SORBS2: variants seen among roughly 807,000 people sequenced by gnomAD.
The protein encoded by SORBS2 is sorbin and SH3 domain-containing protein 2.
A neutral mutation model predicts 97.7 loss-of-function variants in SORBS2; 46 were observed. The observed-to-expected ratio is 0.47, with a 90% CI of 0.37 to 0.60. The LOEUF is 0.60. SORBS2 is among the 20% of genes least tolerant of loss of function. The pLI is 0.00. For missense variants in SORBS2, 1,316 were observed against 1,282.3 expected (o/e 1.03, Z -0.40); for synonymous variants, 476 against 473.4 (o/e 1.01, Z -0.07).
intron 6 of SORBS2, 92 bp from the exon 19 acceptor site, chr4:185,624,586 C>T: frequency 1.5e-6 from 2 of 1,352,710 alleles, no homozygotes; most frequent in Non-Finnish European, 2.0e-6. Flanking sequence ...AAGCATCAGA[C>T]AGCATAGCAA....
At chr4:185,758,273 T>G (rs1271739072) in intron 2 of SORBS2, among the ~76,000 whole-genome samples, 5 of 152,226 alleles carry the variant, frequency 3.3e-5, no homozygotes, top group Admixed American at 6.5e-5. Context: ...AGGACCCCAT[T>G]GAGGTCCATA....
intron 1 of SORBS2, among the ~76,000 whole-genome samples, chr4:185,835,652 ATTTTTT>A (rs5864964): frequency 6.5e-5 from 8 of 122,228 alleles, no homozygotes; most frequent in African/African-American, 9.0e-5. Context: ...TTTTGAAAGG[ATTTTTT>A]TTTTTTTTTT....
intron 12 of SORBS2, among the ~76,000 whole-genome samples, chr4:185,600,335 T>A (rs887900094): frequency 1.3e-5 from 2 of 152,196 alleles, no homozygotes; most frequent in African/African-American, 4.8e-5. Context: ...ATGTTATATC[T>A]TTTTTTGTCT....
chr4:185,949,724 T>G (rs186602218), intron 1 of SORBS2, among the ~76,000 whole-genome samples: 224 of 152,128 alleles, frequency 1.5e-3, no homozygotes, highest in African/African-American at 5.1e-3. Context: ...AGTTGTCTGG[T>G]GAGAGATGCA....
chr4:185,712,430 A>G (rs2098428855), intron 2 of SORBS2, among the ~76,000 whole-genome samples: 1 of 152,096 alleles, frequency 6.6e-6, no homozygotes. Flanking sequence ...TCATCCTTCA[A>G]TTTGTTTGTG....
chr4:185,816,175 T>C (rs943975407), intron 1 of SORBS2, among the ~76,000 whole-genome samples: 1 of 152,230 alleles, frequency 6.6e-6, no homozygotes. Context: ...TATCCTCTGG[T>C]TCGTATTTTG....
chr4:185,604,971 G>C (rs946270477), intron 12 of SORBS2, among the ~76,000 whole-genome samples: 2 of 152,160 alleles, frequency 1.3e-5, no homozygotes, highest in African/African-American at 4.8e-5. Flanking sequence ...CTAGGGTACT[G>C]TCTGTGTCAG....
intron 12 of SORBS2, 43 bp from the exon 25 acceptor site, chr4:185,593,978 T>C (rs778118384): frequency 1.5e-6 from 2 of 1,298,216 alleles, no homozygotes; most frequent in African/African-American, 2.9e-5. Context: ...TTTAAACTGG[T>C]ACTAATTAAA....
At chr4:185,651,799 A>G (rs1341052586) in intron 2 of SORBS2, 2 of 1,505,090 alleles carry the variant, frequency 1.3e-6, no homozygotes, top group Non-Finnish European at 9.2e-7. Context: ...TTGTATGTAT[A>G]AGGAGTATTA....
At chr4:185,859,101 A>G (rs2099222265) in intron 1 of SORBS2, among the ~76,000 whole-genome samples, 1 of 152,124 alleles carries the variant, frequency 6.6e-6, no homozygotes, top group Non-Finnish European at 1.5e-5. Context: ...GAAAACAACA[A>G]CATACTTGGC....
chr4:185,763,435 C>A (rs1311319724), intron 2 of SORBS2, among the ~76,000 whole-genome samples: 18 of 152,154 alleles, frequency 1.2e-4, no homozygotes, highest in Admixed American at 1.2e-3. Flanking sequence ...AGCCCCCGAC[C>A]CCCCACCTCA....
chr4:185,657,581 T>C (rs553791677), upstream of SORBS2: 9 of 1,589,602 alleles, frequency 5.7e-6, no homozygotes, highest in Non-Finnish European at 7.7e-6. Context: ...ATGCTGGGGA[T>C]ATGTGTCTGT....
chr4:185,665,769 T>C, intron 4 of SORBS2: 1 of 1,053,308 alleles, frequency 9.5e-7, no homozygotes, highest in Non-Finnish European at 1.2e-6. Flanking sequence ...TGGTGCCATC[T>C]GTCACAGCAG....
intron 1 of SORBS2, among the ~76,000 whole-genome samples, chr4:185,948,050 T>C (rs1304845356): frequency 6.6e-6 from 1 of 152,182 alleles, no homozygotes; most frequent in Non-Finnish European, 1.5e-5. Flanking sequence ...GTATTTTTGT[T>C]GTTGTTGTTG....
intron 4 of SORBS2, 43 bp from the exon 17 acceptor site, chr4:185,630,641 G>T: frequency 8.0e-7 from 1 of 1,242,792 alleles, no homozygotes; most frequent in Non-Finnish European, 1.2e-6. Context: ...TTTTACCGTG[G>T]CAAAATTTTG....
At chr4:185,899,548 C>T (rs916976111) in intron 1 of SORBS2, among the ~76,000 whole-genome samples, 1 of 152,106 alleles carries the variant, frequency 6.6e-6, no homozygotes, top group African/African-American at 2.4e-5. Flanking sequence ...CCCTCAGCCT[C>T]CCCAGAGGCT....
rs565091486 is a variant in SORBS2 at position 185,895,410 on chromosome 4, G to C, written c.-338+60786C>G. 5.3e-5 allele frequency among the ~76,000 whole-genome samples: 8 copies of C among 152,358 alleles called. No homozygotes were observed. In the South Asian group the frequency reaches 1.5e-3, roughly 28 times the overall value. Reference sequence around the variant, plus strand: ...GTCCTCATAACCGAAGCTCGACTTAGGTTCAGATCTCCAGTGGGAATGAAT... The same window carrying C: ...GTCCTCATAACCGAAGCTCGACTTACGTTCAGATCTCCAGTGGGAATGAAT... On this transcript the variant is annotated intron_variant, in intron 1 of 20. Transcript: ENST00000284776.
chr4:185,933,706 C>G (rs879529813), intron 1 of SORBS2, among the ~76,000 whole-genome samples: 12 of 152,110 alleles, frequency 7.9e-5, no homozygotes, highest in Non-Finnish European at 1.6e-4. Context: ...CCACCCCACT[C>G]CAAAATGACC....
chr4:185,742,694 G>T (rs1412923054), intron 2 of SORBS2, among the ~76,000 whole-genome samples: 1 of 152,182 alleles, frequency 6.6e-6, no homozygotes, highest in African/African-American at 2.4e-5. Context: ...ACTAAATGAG[G>T]TGAGAATCAT....
Sources: allele counts gnomAD v4.1 joint callset (sites outside exome capture counted in the v4.1 genomes callset), GRCh38; gene constraint gnomAD v4.1.1; transcripts MANE v1.5; gene names NCBI Gene and HGNC (gene_info 2026-07-23, HGNC 2026-07-21).